The following ETFA variants were observed in gnomAD, a reference collection of about 807,000 sequenced individuals.
ETFA encodes the protein electron transfer flavoprotein subunit alpha, mitochondrial.
In ETFA, 22 loss-of-function variants were observed where a neutral mutation model predicts 46.2. The observed-to-expected ratio is 0.48, with a 90% confidence interval of 0.34 to 0.68. The LOEUF is 0.68. Among genes scored for constraint, ETFA ranks in the 30% least tolerant of loss-of-function variants. The pLI is 0.01. For missense variants in ETFA, 345 were observed against 401.1 expected, an observed-to-expected ratio of 0.86 and a Z score of 1.19; for synonymous variants, 131 against 139.9, an observed-to-expected ratio of 0.94 and a Z score of 0.45.
Position 76,295,513 on chromosome 15 carries a change from C to A in ETFA, c.186+78G>T. On this transcript the variant is annotated intron_variant, in intron 2 of 11. Coordinates refer to ENST00000557943, the MANE Select transcript of ETFA (RefSeq NM_000126.4). ...GCCCAGTTTGGGTTACAATCCTAAG[C>A]ATAATTCTCTGTTGCCATCTTTTCC... The A allele has an allele frequency of 3.2e-6, 4 of 1,263,516 alleles. No individual in the cohort carries two copies. The South Asian group carries it at 4.8e-5, about 15-fold the overall frequency. 78.3% of individuals were successfully genotyped at this position (1,263,516 alleles called of 1,614,324 possible).
At chr15:76,260,204 G>T in intron 9 of ETFA, 1 of 1,089,488 alleles carries the variant, frequency 9.2e-7, no homozygotes, top group Non-Finnish European at 1.3e-6. Context: ...TTAGTTCGCT[G>T]TTGATGCCCA....
At chr15:76,306,854 A>G (rs542678732) in intron 1 of ETFA, among the ~76,000 whole-genome samples, 1 of 152,372 alleles carries the variant, frequency 6.6e-6, no homozygotes, top group African/African-American at 2.4e-5. Context: ...CTTAGTAGAC[A>G]CATTGGCAGG....
At chr15:76,232,572 C>A (rs889620718) in intron 9 of ETFA, among the ~76,000 whole-genome samples, 3 of 152,208 alleles carry the variant, frequency 2.0e-5, no homozygotes, top group Non-Finnish European at 4.4e-5. Context: ...GTGGTCCCAC[C>A]TTGTTTTCTG....
At position 76,311,396 on chromosome 15, in the gene ETFA, G is replaced by A. The variant is rs753647899; in HGVS notation, c.-8C>T. The A allele has an allele frequency of 5.5e-5, 85 of 1,558,938 alleles. No individual in the cohort carries two copies. The highest frequency in any genetic ancestry group is 6.8e-5 in the African/African-American group (5 of 73,708). On this transcript the variant is annotated 5_prime_UTR_variant, in exon 1 of 12. Coordinates refer to ENST00000557943, the MANE Select transcript of ETFA (RefSeq NM_000126.4). Reference sequence around the variant, plus strand: ...AGCCGCCGCTCGGAACATGGTCTCCGCTTCCGCCGCAACCTCGGCCTTACA... The same window carrying A: ...AGCCGCCGCTCGGAACATGGTCTCCACTTCCGCCGCAACCTCGGCCTTACA...
intron 9 of ETFA, among the ~76,000 whole-genome samples, chr15:76,265,083 C>G (rs904835791): frequency 1.3e-5 from 2 of 152,230 alleles, no homozygotes; most frequent in African/African-American, 2.4e-5. Flanking sequence ...TCCCCCGCCA[C>G]AGCAGACAGT....
chr15:76,300,224 A>C (rs2039865885), intron 1 of ETFA, among the ~76,000 whole-genome samples: 1 of 152,208 alleles, frequency 6.6e-6, no homozygotes, highest in African/African-American at 2.4e-5. Context: ...TGCTAGACTT[A>C]TAATATGGTT....
At position 76,311,412 on chromosome 15, in the gene ETFA, C is replaced by T. The variant is rs758591063; in HGVS notation, c.-24G>A. 1 of 1,553,958 alleles carries T rather than the reference C, an allele frequency of 6.4e-7. No individual in the cohort carries two copies. Among genetic ancestry groups the T allele is most frequent in the East Asian group, 2.4e-5 (1 of 41,566 alleles). ...ATGGTCTCCGCTTCCGCCGCAACCT[C>T]GGCCTTACAGCAGCCCCGTGCCCGG... is the stretch of plus-strand genomic sequence containing the variant. On this transcript the variant is annotated 5_prime_UTR_variant, in exon 1 of 12. Transcript: ENST00000557943.
At chr15:76,235,673 C>T (rs1178056736) in intron 9 of ETFA, among the ~76,000 whole-genome samples, 5 of 152,040 alleles carry the variant, frequency 3.3e-5, no homozygotes, top group Non-Finnish European at 5.9e-5. Context: ...TTACAGGTTA[C>T]GGCAAGGTCA....
chr15:76,294,787 G>C (rs1439667602), intron 2 of ETFA, among the ~76,000 whole-genome samples: 4 of 152,108 alleles, frequency 2.6e-5, no homozygotes, highest in African/African-American at 9.7e-5. Flanking sequence ...GACCTCAAGT[G>C]ATCTACCCAC....
chr15:76,217,464 T>G (rs745838935), intron 11 of ETFA: 6 of 334,408 alleles, frequency 1.8e-5, no homozygotes, highest in Non-Finnish European at 3.7e-5. Context: ...ATATCATCAC[T>G]CTTTATTAAA....
chr15:76,266,632 G>A (rs192552873), intron 9 of ETFA, among the ~76,000 whole-genome samples: 34 of 152,276 alleles, frequency 2.2e-4, no homozygotes, highest in East Asian at 3.9e-4. Flanking sequence ...GGCCGGGTGC[G>A]GTGACTCATG....
chr15:76,264,588 G>A (rs1383192815), intron 9 of ETFA, among the ~76,000 whole-genome samples: 10 of 152,188 alleles, frequency 6.6e-5, no homozygotes. Context: ...AGCCATAACT[G>A]ATAAAACAGC....
intron 11 of ETFA, among the ~76,000 whole-genome samples, chr15:76,219,226 T>C (rs1014552425): frequency 2.6e-5 from 4 of 152,182 alleles, no homozygotes; most frequent in African/African-American, 7.2e-5. Context: ...GGGAACAGAA[T>C]AGTCTCTTTG....
At chr15:76,256,014 T>C (rs1050125134) in intron 9 of ETFA, among the ~76,000 whole-genome samples, 19 of 152,010 alleles carry the variant, frequency 1.2e-4, no homozygotes, top group African/African-American at 2.2e-4. Flanking sequence ...TCCCAGCACT[T>C]TGGGAGGCCA....
chr15:76,229,784 G>A (rs2039045802), intron 10 of ETFA, among the ~76,000 whole-genome samples: 1 of 152,146 alleles, frequency 6.6e-6, no homozygotes, highest in Admixed American at 6.5e-5. Flanking sequence ...AGTTAAGCCT[G>A]TTAAAAGTTT....
intron 8 of ETFA, among the ~76,000 whole-genome samples, chr15:76,276,687 T>C (rs910881472): frequency 3.9e-5 from 6 of 152,198 alleles, no homozygotes; most frequent in Non-Finnish European, 8.8e-5. Context: ...TGGAGGTTTC[T>C]ACTGAGATAT....
intron 11 of ETFA, among the ~76,000 whole-genome samples, chr15:76,225,351 C>T (rs938970733): frequency 4.6e-5 from 7 of 152,116 alleles, no homozygotes; most frequent in African/African-American, 1.2e-4. Context: ...TGTAGTGGCA[C>T]GATCTCTGCT....
chr15:76,305,278 ACT>A (rs2039929012), intron 1 of ETFA, among the ~76,000 whole-genome samples: 1 of 152,192 alleles, frequency 6.6e-6, no homozygotes, highest in African/African-American at 2.4e-5. Flanking sequence ...AAGGGCAGGG[ACT>A]AGGTCTGTCT....
intron 2 of ETFA, among the ~76,000 whole-genome samples, chr15:76,295,158 G>T (rs890068237): frequency 3.9e-5 from 6 of 152,178 alleles, no homozygotes; most frequent in African/African-American, 1.4e-4. Flanking sequence ...GTACCAGCTA[G>T]AGTTTGGAAA....
Sources: gnomAD v4.1 joint callset for allele counts (sites outside exome capture counted in the v4.1 genomes callset) on GRCh38, gnomAD v4.1.1 for gene constraint, MANE v1.5 for transcripts, NCBI Gene and HGNC (gene_info 2026-07-23, HGNC 2026-07-21) for gene names.